Variants in KLHL1 observed in about 807,000 individuals in gnomAD.
KLHL1 encodes kelch like family member 1.
Under a neutral mutation model 77.7 loss-of-function variants are expected in KLHL1, and 47 were observed. The ratio of observed to expected loss-of-function variants is 0.60; its 90% CI spans 0.48 to 0.77. KLHL1 has a LOEUF of 0.77. Ranked by LOEUF, KLHL1 falls within the 30% of genes least tolerant of loss-of-function variation. KLHL1 has a pLI of 0.00. For synonymous variants in KLHL1, 360 were observed against 325.2 expected, an observed-to-expected ratio of 1.11 and a Z score of -1.15; for missense variants, 925 against 910.8, an observed-to-expected ratio of 1.02 and a Z score of -0.20.
At position 69,701,112 on chromosome 13, in the gene KLHL1, C is replaced by G. The variant is rs993897734; in HGVS notation, c.*590G>C. On this transcript the variant is annotated 3_prime_UTR_variant, in exon 11 of 11. Transcript: ENST00000377844. ...AGATATGCAGCTTTGATTAGTAGGA[C>G]AGTTTGTTTTCTGAATGCAAGATAC... is the stretch of plus-strand genomic sequence containing the variant. The G allele has an allele frequency of 6.6e-6, 1 of 152,182 alleles. No individual in the cohort carries two copies. Among genetic ancestry groups the G allele is most frequent in the Non-Finnish European group, 1.5e-5 (1 of 67,824 alleles). 9.4% of individuals were successfully genotyped at this position (152,182 alleles called of 1,614,324 possible). A position where few individuals can be genotyped will look rare whatever the true frequency, so the allele number is the denominator to read the frequency against.
chr13:69,718,747 C>A (rs1872890988), intron 9 of KLHL1, among the ~76,000 whole-genome samples: 1 of 152,068 alleles, frequency 6.6e-6, no homozygotes, highest in Admixed American at 6.6e-5. Flanking sequence ...TATTCCTAGG[C>A]CTGAAGCCAA....
intron 2 of KLHL1, among the ~76,000 whole-genome samples, chr13:69,968,462 C>G (rs992569817): frequency 6.7e-6 from 1 of 149,728 alleles, no homozygotes; most frequent in African/African-American, 2.5e-5. Context: ...GCAATATCTT[C>G]AGGGTGTGCC....
intron 2 of KLHL1, among the ~76,000 whole-genome samples, chr13:69,967,785 T>C (rs941313844): frequency 1.3e-5 from 2 of 151,454 alleles, no homozygotes; most frequent in African/African-American, 4.9e-5. Flanking sequence ...CTCAGGTGGC[T>C]GAGGCAGGAG....
At chr13:69,890,703 A>G (rs1881396770) in intron 4 of KLHL1, among the ~76,000 whole-genome samples, 1 of 151,864 alleles carries the variant, frequency 6.6e-6, no homozygotes, top group African/African-American at 2.4e-5. Context: ...AAGAACTACC[A>G]TTCTTTAATC....
intron 1 of KLHL1, among the ~76,000 whole-genome samples, chr13:69,999,360 G>A (rs1593663023): frequency 1.3e-5 from 2 of 151,994 alleles, no homozygotes; most frequent in East Asian, 3.9e-4. Context: ...CCAATGACTT[G>A]TTGAAAGATA....
intron 4 of KLHL1, among the ~76,000 whole-genome samples, chr13:69,908,586 CAAAT>C (rs151104819): frequency 0.012 from 1,809 of 149,370 alleles, 38 homozygotes; most frequent in African/African-American, 0.042. Flanking sequence ...CATTTATAGA[CAAAT>C]AAAAGGAAAT....
intron 5 of KLHL1, among the ~76,000 whole-genome samples, chr13:69,855,860 ATATAT>A (rs74448656): frequency 0.15 from 19,142 of 130,468 alleles, 1,373 homozygotes; most frequent in East Asian, 0.26. Flanking sequence ...ATGTTATATA[ATATAT>A]TATATATTAT....
Position 70,108,020 on chromosome 13 carries a change from G to T in KLHL1, c.-321C>A, listed in dbSNP as rs1219714656. On this transcript the variant is annotated 5_prime_UTR_variant, in exon 1 of 11. Transcript: ENST00000377844. ...CGCGAGAGCCCCGTGTTATGGCGAG[G>T]TGGGACAACCCTTAGGCTGGAGATG... 4.5e-6 allele frequency: 2 copies of T among 442,452 alleles called. No homozygotes were observed. The highest frequency in any genetic ancestry group is 4.0e-5 in the African/African-American group (2 of 49,498). The allele number at this position is 442,452 out of a possible 1,614,324, so 27.4% of individuals were successfully genotyped here.
intron 4 of KLHL1, chr13:69,894,873 C>T: frequency 3.5e-6 from 1 of 285,992 alleles, no homozygotes. Context: ...CCTTCTTCAC[C>T]CTAACTAGCA....
chr13:69,802,649 C>T (rs1284922273), intron 6 of KLHL1, among the ~76,000 whole-genome samples: 3 of 150,334 alleles, frequency 2.0e-5, no homozygotes, highest in Non-Finnish European at 4.4e-5. Flanking sequence ...CTGTTTTGTT[C>T]CAATCTAATT....
chr13:70,044,516 ATGT>A (rs1886450726), intron 1 of KLHL1, among the ~76,000 whole-genome samples: 1 of 152,016 alleles, frequency 6.6e-6, no homozygotes, highest in Admixed American at 6.6e-5. Context: ...TAACATTTTA[ATGT>A]TTTTTTTTGT....
intron 1 of KLHL1, among the ~76,000 whole-genome samples, chr13:70,066,121 G>A (rs1886999711): frequency 1.3e-5 from 2 of 152,098 alleles, no homozygotes; most frequent in South Asian, 2.1e-4. Context: ...AGCAACACAA[G>A]GGTTTGCAAA....
At chr13:70,070,166 A>C (rs1015734114) in intron 1 of KLHL1, among the ~76,000 whole-genome samples, 4 of 151,752 alleles carry the variant, frequency 2.6e-5, no homozygotes, top group African/African-American at 7.3e-5. Flanking sequence ...AAAAAAAAAG[A>C]AGCAGAAGAA....
chr13:70,108,215 C>G lies in KLHL1; in HGVS notation c.-516G>C, dbSNP rs1448990992. 2.5e-6 allele frequency: 1 copy of G among 394,280 alleles called. No homozygotes were observed. Among genetic ancestry groups the G allele is most frequent in the Non-Finnish European group, 4.5e-6 (1 of 224,112 alleles). The allele number at this position is 394,280 out of a possible 1,614,324, so 24.4% of individuals were successfully genotyped here. The stretch of plus-strand genomic sequence containing the variant: ...AGCGCAGAGAGAAAGAGCCCCAAGT[C>G]TCGAGGAAGCGTACCCCTCGCCAGA... On this transcript the variant is annotated 5_prime_UTR_variant, in exon 1 of 11. Transcript: ENST00000377844.
At chr13:69,999,960 G>C (rs1885246672) in intron 1 of KLHL1, among the ~76,000 whole-genome samples, 1 of 151,938 alleles carries the variant, frequency 6.6e-6, no homozygotes, top group African/African-American at 2.4e-5. Flanking sequence ...GTTGGAGGTG[G>C]GGTTGGTGAG....
At chr13:69,913,578 T>A (rs1171599842) in intron 4 of KLHL1, among the ~76,000 whole-genome samples, 1 of 152,234 alleles carries the variant, frequency 6.6e-6, no homozygotes, top group Non-Finnish European at 1.5e-5. Flanking sequence ...CTAGAAATGA[T>A]TACTTTTCAT....
intron 7 of KLHL1, among the ~76,000 whole-genome samples, chr13:69,775,924 G>A (rs150425785): frequency 0.011 from 1,725 of 152,006 alleles, 36 homozygotes; most frequent in African/African-American, 0.039. Context: ...AGGCCGAGGC[G>A]GGAGGATCAC....
chr13:70,037,882 A>C (rs1886278329), intron 1 of KLHL1, among the ~76,000 whole-genome samples: 1 of 152,068 alleles, frequency 6.6e-6, no homozygotes. Context: ...ATATTTCTTC[A>C]TTATATGTAT....
intron 3 of KLHL1, among the ~76,000 whole-genome samples, chr13:69,960,821 G>A (rs1884039565): frequency 6.6e-6 from 1 of 151,812 alleles, no homozygotes; most frequent in Non-Finnish European, 1.5e-5. Flanking sequence ...AAAAAAACTT[G>A]AAAAATGTCA....
Sources: allele counts gnomAD v4.1 joint callset (sites outside exome capture counted in the v4.1 genomes callset), GRCh38; gene constraint gnomAD v4.1.1; transcripts MANE v1.5; gene names NCBI Gene and HGNC (gene_info 2026-07-23, HGNC 2026-07-21).